The following ADAT2 variants were observed in gnomAD, a reference collection of about 807,000 sequenced individuals.
ADAT2 encodes tRNA-specific adenosine-34 deaminase catalytic subunit ADAT2.
Under a neutral mutation model 25.9 loss-of-function variants are expected in ADAT2, and 26 were observed. The ratio of observed to expected loss-of-function variants is 1.00; its 90% CI spans 0.74 to 1.39. ADAT2 has a LOEUF of 1.39. Among genes scored for constraint, ADAT2 ranks in the 40% most tolerant of loss-of-function variants. ADAT2 has a pLI of 0.00. For missense variants in ADAT2, 220 were observed against 244.8 expected (o/e 0.90, Z 0.68); for synonymous variants, 76 against 86.8 (o/e 0.88, Z 0.69).
chr6:143,429,456 A>T (rs893715669), intron 4 of ADAT2, among the ~76,000 whole-genome samples: 1 of 138,722 alleles, frequency 7.2e-6, no homozygotes, highest in Non-Finnish European at 1.6e-5. Context: ...GCTAACAGTA[A>T]GGAGTGTTAT....
rs1308659871 is a variant in ADAT2, at chr6:143,440,582, A to G, written c.97-1888T>C. Reference sequence around the variant, plus strand: ...GTAAGACTGCATTCAGGACTATTTTATGAACTATCCACAGGCCGGTTGTGT... The same window carrying G: ...GTAAGACTGCATTCAGGACTATTTTGTGAACTATCCACAGGCCGGTTGTGT... On this transcript the variant is annotated intron_variant, in intron 1 of 5. Coordinates refer to ENST00000237283, the MANE Select transcript of ADAT2 (RefSeq NM_182503.3). This position sits in a 1 kb window ranked among gnomAD's most constrained non-coding sequence, Gnocchi z 4.5. 6.6e-6 allele frequency among the ~76,000 whole-genome samples: 1 copy of G among 152,192 alleles called. No homozygotes were observed. The highest frequency in any genetic ancestry group is 6.5e-5 in the Admixed American group (1 of 15,282).
chr6:143,437,163 G>A lies in ADAT2; in HGVS notation c.201+1427C>T, dbSNP rs540398590. On this transcript the variant is annotated intron_variant, in intron 2 of 5. Coordinates refer to ENST00000237283, the MANE Select transcript of ADAT2 (RefSeq NM_182503.3). This position sits in a 1 kb window ranked among gnomAD's most constrained non-coding sequence, Gnocchi z 4.1. ...TCTGAATTGTCCAACTACTTTGTCG[G>A]AACAGTTCCTATTGATTGGAACTGC... is the stretch of plus-strand genomic sequence containing the variant. Among the ~76,000 whole-genome samples, 2 of 152,212 alleles carry A rather than the reference G, an allele frequency of 1.3e-5. No homozygotes were observed. Among genetic ancestry groups the A allele is most frequent in the African/African-American group, 4.8e-5 (2 of 41,536 alleles).
At chr6:143,433,441 T>A (rs1385048619) in intron 3 of ADAT2, among the ~76,000 whole-genome samples, 4 of 152,094 alleles carry the variant, frequency 2.6e-5, no homozygotes, top group Non-Finnish European at 4.4e-5. Flanking sequence ...ACCAACCAGA[T>A]AAACAGAGAA....
At position 143,437,356 on chromosome 6, in the gene ADAT2, TGTTAAA is replaced by T. The variant is rs1364601985; in HGVS notation, c.201+1228_201+1233del. Among the ~76,000 whole-genome samples, 2 of 152,208 alleles carry T rather than the reference TGTTAAA, an allele frequency of 1.3e-5. No homozygotes were observed. The highest frequency in any genetic ancestry group is 4.8e-5 in the African/African-American group (2 of 41,462). On this transcript the variant is annotated intron_variant, in intron 2 of 5. Coordinates refer to ENST00000237283, the MANE Select transcript of ADAT2 (RefSeq NM_182503.3). This position sits in a 1 kb window ranked among gnomAD's most constrained non-coding sequence, Gnocchi z 4.1. ...TTACAAAGAAATTGCTTTTTTCTTC[TGTTAAA>T]GTTAAGTTAGATCATCTTCATGTAG...
chr6:143,448,725 A>C (rs895319139), intron 1 of ADAT2, among the ~76,000 whole-genome samples: 5 of 152,112 alleles, frequency 3.3e-5, no homozygotes, highest in African/African-American at 1.2e-4. Flanking sequence ...TATCATGTTC[A>C]GGTGAGGTGT....
At chr6:143,430,387 A>G (rs956468596) in intron 4 of ADAT2, among the ~76,000 whole-genome samples, 3 of 152,208 alleles carry the variant, frequency 2.0e-5, no homozygotes, top group African/African-American at 4.8e-5. Flanking sequence ...GGGACTGAGC[A>G]GAGTCAGGCA....
In ADAT2 at chr6:143,440,955, A is replaced by G. The variant is rs892840825; in HGVS notation, c.97-2261T>C. Among the ~76,000 whole-genome samples the G allele has an allele frequency of 2.0e-5, 3 of 152,188 alleles. No individual in the cohort carries two copies. The highest frequency in any genetic ancestry group is 4.8e-5 in the African/African-American group (2 of 41,446). On this transcript the variant is annotated intron_variant, in intron 1 of 5. Transcript: ENST00000237283. This position sits in a 1 kb window ranked among gnomAD's most constrained non-coding sequence, Gnocchi z 4.5. ...CCTGAAGGCACCCACAGAAGGCAAG[A>G]GGCGAAGTGATAACGGAAGGAGAGA... is the stretch of plus-strand genomic sequence containing the variant.
In ADAT2 at chr6:143,423,876, C is replaced by A. The variant is rs1583961907; in HGVS notation, c.*4587G>T. 6.6e-6 allele frequency: 1 copy of A among 152,156 alleles called. No individual in the cohort carries two copies. Among genetic ancestry groups the A allele is most frequent in the East Asian group, 1.9e-4 (1 of 5,184 alleles). The allele number at this position is 152,156 out of a possible 1,614,324, so 9.4% of individuals were successfully genotyped here. A position where few individuals can be genotyped will look rare whatever the true frequency, so the allele number is the denominator to read the frequency against. On this transcript the variant is annotated 3_prime_UTR_variant, in exon 6 of 6. Transcript: ENST00000237283. ...TTGCTAAAGCTGGGCTGTATAGGCCCATCAAGAATGGGGGCCAAGGTGGAG... is the reference window on the plus strand; with the variant it reads ...TTGCTAAAGCTGGGCTGTATAGGCCAATCAAGAATGGGGGCCAAGGTGGAG...
chr6:143,425,733 T>TGTGTGTGTGTGTGTGTGTGTG lies in ADAT2; in HGVS notation c.*2729_*2730insCACACACACACACACACACAC, dbSNP rs1778912429. 8.1e-5 allele frequency: 11 copies of TGTGTGTGTGTGTGTGTGTGTG among 136,586 alleles called. No individual in the cohort carries two copies. Among genetic ancestry groups the TGTGTGTGTGTGTGTGTGTGTG allele is most frequent in the African/African-American group, 1.7e-4 (6 of 35,644 alleles). 8.5% of individuals were successfully genotyped at this position (136,586 alleles called of 1,614,324 possible). ...GGTAAAGGGCCATGGTGTGTTGTGT[T>TGTGTGTGTGTGTGTGTGTGTG]TGTGTGTGTGTGTGTGTGTGTGTGT... On this transcript the variant is annotated 3_prime_UTR_variant, in exon 6 of 6. Transcript: ENST00000237283.
intron 2 of ADAT2, among the ~76,000 whole-genome samples, 170 bp downstream of exon 2, chr6:143,438,420 C>A (rs1447079505): frequency 6.6e-6 from 1 of 152,094 alleles, no homozygotes; most frequent in Non-Finnish European, 1.5e-5. Context: ...GTATCACTTT[C>A]AAAATCAGGA....
chr6:143,432,404 C>T lies in ADAT2; in HGVS notation c.459+101G>A, dbSNP rs751744232. The T allele has an allele frequency of 9.4e-6, 10 of 1,065,996 alleles. No homozygotes were observed. The highest frequency in any genetic ancestry group is 2.0e-5 in the Admixed American group (1 of 50,516). 66.0% of individuals were successfully genotyped at this position (1,065,996 alleles called of 1,614,324 possible). On this transcript the variant is annotated intron_variant, in intron 4 of 5. Coordinates refer to ENST00000237283, the MANE Select transcript of ADAT2 (RefSeq NM_182503.3). The surrounding 1 kb of genome is among the most constrained non-coding windows in gnomAD (Gnocchi z 4.4). ...TGAGATCAAAGATGTCTGATTCTATCATCGTTTCTTCGTATACTGGCCACA... is the reference window on the plus strand; with the variant it reads ...TGAGATCAAAGATGTCTGATTCTATTATCGTTTCTTCGTATACTGGCCACA...
chr6:143,443,327 C>T (rs1779514521), intron 1 of ADAT2, among the ~76,000 whole-genome samples: 1 of 152,134 alleles, frequency 6.6e-6, no homozygotes, highest in Non-Finnish European at 1.5e-5. Flanking sequence ...ACTTTAGTAA[C>T]AACAGACACT....
chr6:143,426,425 G>A lies in ADAT2; in HGVS notation c.*2038C>T, dbSNP rs549046325. 1 of 152,178 alleles carries A rather than the reference G, an allele frequency of 6.6e-6. No individual in the cohort carries two copies. Among genetic ancestry groups the A allele is most frequent in the East Asian group, 1.9e-4 (1 of 5,204 alleles). 9.4% of individuals were successfully genotyped at this position (152,178 alleles called of 1,614,324 possible). On this transcript the variant is annotated 3_prime_UTR_variant, in exon 6 of 6. Transcript: ENST00000237283. The surrounding 1 kb of genome is among the most constrained non-coding windows in gnomAD (Gnocchi z 4.1). ...TGATTTTCTCCCAAAGCGATGGAGG[G>A]AACTGTGCCCCAGTCCAAACATTTA...
chr6:143,432,017 A>G lies in ADAT2; in HGVS notation c.459+488T>C, dbSNP rs1373274415. On this transcript the variant is annotated intron_variant, in intron 4 of 5. Transcript: ENST00000237283. This position sits in a 1 kb window ranked among gnomAD's most constrained non-coding sequence, Gnocchi z 4.4. ...TTCAACATTAAAAAGACACACAAAA[A>G]AAGACATGAAAATACAGTGATTGCT... 6.6e-6 allele frequency among the ~76,000 whole-genome samples: 1 copy of G among 152,224 alleles called. No homozygotes were observed. The highest frequency in any genetic ancestry group is 2.4e-5 in the African/African-American group (1 of 41,442).
Position 143,425,932 on chromosome 6 carries a change from A to G in ADAT2, c.*2531T>C, listed in dbSNP as rs772993422. On this transcript the variant is annotated 3_prime_UTR_variant, in exon 6 of 6. Transcript: ENST00000237283. ...TGTGCCAAGTAACAAGAAAGCACAA[A>G]GATATTTTAACATGATCTTTTATCA... The G allele has an allele frequency of 2.3e-4, 35 of 152,586 alleles. No individual in the cohort carries two copies. Among genetic ancestry groups the G allele is most frequent in the Non-Finnish European group, 4.7e-4 (32 of 68,034 alleles). The allele number at this position is 152,586 out of a possible 1,614,324, so 9.5% of individuals were successfully genotyped here.
At chr6:143,441,989 T>G (rs1779470495) in intron 1 of ADAT2, 1 of 152,238 alleles carries the variant, frequency 6.6e-6, no homozygotes, top group Non-Finnish European at 1.5e-5. Context: ...GAAAATAGTT[T>G]GGCAGTTTCT....
intron 1 of ADAT2, among the ~76,000 whole-genome samples, chr6:143,449,185 C>T (rs1779682378): frequency 6.6e-6 from 1 of 152,098 alleles, no homozygotes; most frequent in Admixed American, 6.5e-5. Flanking sequence ...GTAGTTGGGA[C>T]TACAGGCACA....
At position 143,444,618 on chromosome 6, in the gene ADAT2, C is replaced by T; in HGVS notation, c.97-5924G>A. 1 of 155,090 alleles carries T rather than the reference C, an allele frequency of 6.4e-6. No individual in the cohort carries two copies. Among genetic ancestry groups the T allele is most frequent in the Non-Finnish European group, 1.4e-5 (1 of 70,042 alleles). 9.6% of individuals were successfully genotyped at this position (155,090 alleles called of 1,614,324 possible). On this transcript the variant is annotated intron_variant, in intron 1 of 5. Coordinates refer to ENST00000237283, the MANE Select transcript of ADAT2 (RefSeq NM_182503.3). The surrounding 1 kb of genome is among the most constrained non-coding windows in gnomAD (Gnocchi z 4.3). ...TAGCTTTGAATTTAACCTTTCTTGC[C>T]TTTTTTAGGGGGAAAGACCAAGATC...
intron 3 of ADAT2, among the ~76,000 whole-genome samples, chr6:143,433,088 A>G (rs1018657256): frequency 2.0e-5 from 3 of 152,252 alleles, no homozygotes; most frequent in African/African-American, 4.8e-5. Context: ...TAAGTTGCCT[A>G]TAACAACCCT....
Sources: allele counts gnomAD v4.1 joint callset (sites outside exome capture counted in the v4.1 genomes callset), GRCh38; gene constraint gnomAD v4.1.1; non-coding constraint Gnocchi (gnomAD v3.1); transcripts MANE v1.5; gene names NCBI Gene and HGNC (gene_info 2026-07-23, HGNC 2026-07-21).